The following FMNL2 variants were observed in gnomAD, a reference collection of about 807,000 sequenced individuals.
FMNL2 encodes the protein formin like 2.
In FMNL2, 51 loss-of-function variants were observed where a neutral mutation model predicts 130.2. The observed-to-expected ratio is 0.39, with a 90% confidence interval of 0.31 to 0.49. The LOEUF (loss-of-function observed/expected upper bound fraction) is 0.49. Ranked by LOEUF, FMNL2 falls within the 20% of genes least tolerant of loss-of-function variation. The pLI is 0.85. For synonymous variants in FMNL2, 465 were observed against 467.1 expected (o/e 1.00, Z 0.06); for missense variants, 977 against 1,316.2 (o/e 0.74, Z 3.99).
In FMNL2 at chr2:152,619,549, G is replaced by GCCCCCCCCCCCCC; in HGVS notation, c.1670_1671insCCCCCCCCCCCCC (p.Pro562AlafsTer23). The stretch of plus-strand genomic sequence containing the variant: ...TAACACCACCTATGCCACCGCCGCC[G>GCCCCCCCCCCCCC]CCGCCCCCTCCTCCACCTCCTCCTC... On this transcript the variant is annotated frameshift_variant, in exon 15 of 26. Transcript: ENST00000288670. LOFTEE classifies it high-confidence loss of function. The GCCCCCCCCCCCCC allele has an allele frequency of 7.2e-7, 1 of 1,395,016 alleles. No individual in the cohort carries two copies. 86.4% of individuals were successfully genotyped at this position (1,395,016 alleles called of 1,614,324 possible). A position where few individuals can be genotyped will look rare whatever the true frequency, so the allele number is the denominator to read the frequency against.
At chr2:152,597,547 A>C (rs890756113) in intron 9 of FMNL2, among the ~76,000 whole-genome samples, 10 of 152,226 alleles carry the variant, frequency 6.6e-5, no homozygotes, top group African/African-American at 2.2e-4. Context: ...AAAACTGAGA[A>C]TGCGTGGCTG....
chr2:152,467,270 A>C (rs968312482), intron 1 of FMNL2, among the ~76,000 whole-genome samples: 2 of 152,116 alleles, frequency 1.3e-5, no homozygotes, highest in Non-Finnish European at 2.9e-5. Context: ...ATATTCCTCT[A>C]CGTGCTGAAC....
chr2:152,619,240 T>G, intron 14 of FMNL2, 82 bp downstream of exon 14: 1 of 1,448,324 alleles, frequency 6.9e-7, no homozygotes, highest in Non-Finnish European at 9.1e-7. Context: ...TTCTGTCCTT[T>G]GTCCGTTTTT....
At chr2:152,610,618 G>A (rs1260654603) in intron 10 of FMNL2, among the ~76,000 whole-genome samples, 2 of 152,214 alleles carry the variant, frequency 1.3e-5, no homozygotes, top group African/African-American at 4.8e-5. Context: ...TGTAACATGT[G>A]TTGGTAATTT....
rs188846606 is a variant in FMNL2, at chr2:152,423,743, A to C, written c.117+88023A>C. On this transcript the variant is annotated intron_variant, in intron 1 of 25. Transcript: ENST00000288670. Reference sequence around the variant, plus strand: ...TTTCTATATTGGACCTCAGAGAGCTAGAGTGATGTGCTTTTGAGGTCCCTT... The same window carrying C: ...TTTCTATATTGGACCTCAGAGAGCTCGAGTGATGTGCTTTTGAGGTCCCTT... Among the ~76,000 whole-genome samples, 460 of 152,194 alleles carry C rather than the reference A, an allele frequency of 3.0e-3. 4 individuals carry two copies. Among genetic ancestry groups the C allele is most frequent in the African/African-American group, 0.01 (419 of 41,528 alleles).
chr2:152,354,840 C>T (rs886967394), intron 1 of FMNL2, among the ~76,000 whole-genome samples: 15 of 152,138 alleles, frequency 9.9e-5, no homozygotes, highest in African/African-American at 3.4e-4. Flanking sequence ...TTCTCAGACC[C>T]TTAAGGGTTC....
chr2:152,626,494 A>T, intron 16 of FMNL2, 31 bp from the exon 17 acceptor site: 1 of 1,541,678 alleles, frequency 6.5e-7, no homozygotes, highest in Non-Finnish European at 8.8e-7. Flanking sequence ...AATATAATCC[A>T]ATTTTCCATG....
intron 21 of FMNL2, among the ~76,000 whole-genome samples, chr2:152,633,974 T>C (rs1015190145): frequency 1.3e-5 from 2 of 152,196 alleles, no homozygotes; most frequent in Admixed American, 1.3e-4. Flanking sequence ...GTGAACACCT[T>C]TGAGTGCCCT....
At chr2:152,381,987 T>C (rs1684498642) in intron 1 of FMNL2, among the ~76,000 whole-genome samples, 1 of 151,970 alleles carries the variant, frequency 6.6e-6, no homozygotes, top group African/African-American at 2.4e-5. Context: ...TTTGTAGAGA[T>C]GGGGTTTCAC....
At chr2:152,360,208 A>C (rs1319887154) in intron 1 of FMNL2, among the ~76,000 whole-genome samples, 1 of 152,238 alleles carries the variant, frequency 6.6e-6, no homozygotes, top group Non-Finnish European at 1.5e-5. Flanking sequence ...GTTGAATAGT[A>C]AGTGAATGAG....
Position 152,445,042 on chromosome 2 carries a change from T to C in FMNL2, c.118-76901T>C, listed in dbSNP as rs190840680. ...TTGGCACTGTGGTTTTCCATAAAGA[T>C]GGAAAGCATCTGCCCAGGAGTCTCC... On this transcript the variant is annotated intron_variant, in intron 1 of 25. Coordinates refer to ENST00000288670, the MANE Select transcript of FMNL2 (RefSeq NM_052905.4). 1.1e-4 allele frequency among the ~76,000 whole-genome samples: 17 copies of C among 152,358 alleles called. No individual in the cohort carries two copies. In the East Asian group the frequency reaches 2.7e-3, roughly 24 times the overall value.
At chr2:152,503,204 A>G (rs1440922989) in intron 1 of FMNL2, among the ~76,000 whole-genome samples, 3 of 152,252 alleles carry the variant, frequency 2.0e-5, no homozygotes, top group South Asian at 2.1e-4. Flanking sequence ...ATTGAGCTCA[A>G]TTCTGAACAG....
chr2:152,643,961 G>T, intron 25 of FMNL2: 19 of 880,962 alleles, frequency 2.2e-5, no homozygotes, highest in Non-Finnish European at 2.6e-5. Flanking sequence ...TGGATGCAGT[G>T]GCACACGCCT....
intron 1 of FMNL2, among the ~76,000 whole-genome samples, chr2:152,340,112 G>A (rs950660857): frequency 5.3e-5 from 8 of 152,206 alleles, no homozygotes; most frequent in Non-Finnish European, 1.0e-4. Context: ...TTTGAGTCCT[G>A]GAGGTCGAGG....
intron 21 of FMNL2, among the ~76,000 whole-genome samples, chr2:152,634,077 T>A (rs1432136385): frequency 1.3e-5 from 2 of 152,186 alleles, no homozygotes; most frequent in Non-Finnish European, 2.9e-5. Context: ...ACTGTTTTAG[T>A]AGGTTGGTGC....
chr2:152,450,393 G>A (rs910921600), intron 1 of FMNL2, among the ~76,000 whole-genome samples: 1 of 152,198 alleles, frequency 6.6e-6, no homozygotes, highest in African/African-American at 2.4e-5. Flanking sequence ...GGAGCGTGGA[G>A]ACAACAGTAC....
intron 1 of FMNL2, among the ~76,000 whole-genome samples, chr2:152,429,122 AC>A (rs950448772): frequency 7.9e-5 from 12 of 151,262 alleles, no homozygotes; most frequent in African/African-American, 2.9e-4. Context: ...GCAGCAAATC[AC>A]CGTGTTTACC....
intron 1 of FMNL2, among the ~76,000 whole-genome samples, chr2:152,448,129 C>T (rs1278810572): frequency 1.3e-5 from 2 of 151,638 alleles, no homozygotes; most frequent in East Asian, 3.9e-4. Context: ...CAAAACATAC[C>T]TGACTGTATG....
chr2:152,596,759 G>T (rs1461202531), intron 9 of FMNL2, among the ~76,000 whole-genome samples: 1 of 152,196 alleles, frequency 6.6e-6, no homozygotes, highest in East Asian at 1.9e-4. Context: ...TTTTGTTGAA[G>T]TAGATGAAGA....
Sources: allele counts gnomAD v4.1 joint callset (sites outside exome capture counted in the v4.1 genomes callset), GRCh38; gene constraint gnomAD v4.1.1; transcripts MANE v1.5; gene names NCBI Gene and HGNC (gene_info 2026-07-23, HGNC 2026-07-21).